The following MICAL2 variants were observed in gnomAD, a reference collection of about 807,000 sequenced individuals.
The protein encoded by MICAL2 is [F-actin]-monooxygenase MICAL2.
Under a neutral mutation model 127.3 loss-of-function variants are expected in MICAL2, and 77 were observed. The observed-to-expected ratio is 0.60, with a 90% CI of 0.50 to 0.73. The LOEUF (loss-of-function observed/expected upper bound fraction) is 0.73, where lower values mean the gene tolerates loss of function less well. MICAL2 is among the 30% of genes least tolerant of loss of function. The pLI is 0.00. For missense variants in MICAL2, 1,351 were observed against 1,434.4 expected (o/e 0.94, Z 0.94); for synonymous variants, 570 against 551.1 (o/e 1.03, Z -0.48).
At position 12,329,017 on chromosome 11, in the gene MICAL2, C is replaced by T. The variant is rs201130904; in HGVS notation, c.5515+1751C>T. ...AGAGTCAGACTTTACCTCTTCTGTGCTTCAGTTTTCTTGTTGGTAAATTGG... is the reference window on the plus strand; with the variant it reads ...AGAGTCAGACTTTACCTCTTCTGTGTTTCAGTTTTCTTGTTGGTAAATTGG... On this transcript the variant is annotated intron_variant, in intron 32 of 34. Coordinates refer to the MICAL2 transcript ENST00000646065. Among the ~76,000 whole-genome samples, 40 of 152,256 alleles carry T rather than the reference C, an allele frequency of 2.6e-4. 1 individual carries two copies. The highest frequency in any genetic ancestry group is 2.1e-3 in the East Asian group (11 of 5,188).
intron 21 of MICAL2, 118 bp downstream of exon 21, chr11:12,244,230 G>A (rs1352617040): frequency 1.5e-5 from 20 of 1,367,856 alleles, no homozygotes; most frequent in Non-Finnish European, 1.7e-5. Context: ...AAATTTGTAA[G>A]ATATTTTACA....
chr11:12,143,930 G>A (rs987882317), intron 2 of MICAL2, among the ~76,000 whole-genome samples: 4 of 152,046 alleles, frequency 2.6e-5, no homozygotes, highest in Non-Finnish European at 5.9e-5. Context: ...GAATAATGGC[G>A]GAGAGAGAGA....
intron 32 of MICAL2, among the ~76,000 whole-genome samples, chr11:12,339,396 C>A (rs1938822250): frequency 6.6e-6 from 1 of 152,026 alleles, no homozygotes; most frequent in South Asian, 2.1e-4. Context: ...TTGGTTCGAA[C>A]TTCCTCCTTT....
intron 3 of MICAL2, among the ~76,000 whole-genome samples, chr11:12,174,339 C>T (rs1430751935): frequency 6.6e-6 from 1 of 151,692 alleles, no homozygotes; most frequent in Non-Finnish European, 1.5e-5. Context: ...CATAATCAGT[C>T]ACTCCCCTCT....
intron 15 of MICAL2, among the ~76,000 whole-genome samples, 163 bp from the exon 16 acceptor site, chr11:12,236,014 G>A (rs567675194): frequency 1.3e-5 from 2 of 152,328 alleles, no homozygotes; most frequent in South Asian, 2.1e-4. Flanking sequence ...GTCACAGTGC[G>A]GAGTCATTTA....
At chr11:12,130,821 A>G (rs543933060) in intron 1 of MICAL2, among the ~76,000 whole-genome samples, 1 of 152,338 alleles carries the variant, frequency 6.6e-6, no homozygotes, top group East Asian at 1.9e-4. Flanking sequence ...GCAGGTCTGC[A>G]GAGCAGCACA....
Position 12,259,829 on chromosome 11 carries a change from G to A in MICAL2, c.3266G>A (p.Arg1089Gln), listed in dbSNP as rs2270515. The A allele has an allele frequency of 3.3e-4, 529 of 1,582,470 alleles. 9 individuals are homozygous for A. In the East Asian group the frequency reaches 0.011, roughly 34 times the overall value. Reference protein sequence around the residue: ...EATWQEQEAPRRDTPTESSCA... With the variant: ...EATWQEQEAPQRDTPTESSCA... ...ACATGGCAAGAGCAGGAAGCCCCTC[G>A]GAGAGACACTCCCACCGAAAGTTCT... is the stretch of plus-strand genomic sequence containing the variant. Residue 1089 changes from arginine (R) to glutamine (Q), a missense_variant, in exon 26 of 28, where the codon CGG (arginine) becomes CAG (glutamine). Transcript: ENST00000683283.
intron 21 of MICAL2, among the ~76,000 whole-genome samples, chr11:12,245,171 A>T (rs757535829): frequency 6.6e-6 from 1 of 152,122 alleles, no homozygotes; most frequent in Non-Finnish European, 1.5e-5. Flanking sequence ...AATGGGCGTG[A>T]AGCCTACCTC....
intron 30 of MICAL2, among the ~76,000 whole-genome samples, chr11:12,323,271 T>C (rs1864320322): frequency 6.6e-6 from 1 of 152,204 alleles, no homozygotes; most frequent in African/African-American, 2.4e-5. Context: ...AATGCTATAA[T>C]TGTATAAACA....
intron 33 of MICAL2, among the ~76,000 whole-genome samples, chr11:12,354,509 A>G (rs763620668): frequency 2.0e-5 from 3 of 151,048 alleles, no homozygotes; most frequent in African/African-American, 2.4e-5. Flanking sequence ...GTGGTGGTGC[A>G]CGCCTGTAAT....
intron 2 of MICAL2, among the ~76,000 whole-genome samples, chr11:12,156,980 G>T (rs1223542296): frequency 1.3e-5 from 2 of 152,212 alleles, no homozygotes; most frequent in African/African-American, 4.8e-5. Context: ...GTTTGAACAG[G>T]GCTGCTTGGC....
intron 34 of MICAL2, chr11:12,358,203 A>G: frequency 1.6e-6 from 2 of 1,273,234 alleles, no homozygotes; most frequent in Admixed American, 4.4e-5. Context: ...TTAAAGGCAG[A>G]ACAAGTCCAT....
downstream of MICAL2, chr11:12,294,640 A>C: frequency 6.2e-7 from 1 of 1,614,214 alleles, no homozygotes; most frequent in Non-Finnish European, 8.5e-7. Flanking sequence ...TCAGACTCAA[A>C]GACAAATCTT....
chr11:12,209,434 G>A (rs190585317), intron 5 of MICAL2, 63 bp from the exon 6 acceptor site: 15 of 1,283,946 alleles, frequency 1.2e-5, no homozygotes, highest in South Asian at 4.7e-5. Context: ...CACCACACGG[G>A]GGGTATAATC....
chr11:12,348,578 G>A lies in MICAL2; in HGVS notation c.5516-1260G>A, dbSNP rs542830934. On this transcript the variant is annotated intron_variant, in intron 32 of 34. Transcript: ENST00000646065. ...GGTGGTCCAGGAGACACAGAGAAAA[G>A]GGAACTAATTTTTATGGATTTCTTG... Among the ~76,000 whole-genome samples, 3 of 152,258 alleles carry A rather than the reference G, an allele frequency of 2.0e-5. 1 individual carries two copies. The highest frequency in any genetic ancestry group is 7.2e-5 in the African/African-American group (3 of 41,560).
intron 25 of MICAL2, among the ~76,000 whole-genome samples, chr11:12,259,536 C>T (rs1862813259): frequency 6.6e-6 from 1 of 152,134 alleles, no homozygotes; most frequent in South Asian, 2.1e-4. Flanking sequence ...AAATTATTTA[C>T]TTGATGTATA....
chr11:12,168,760 G>A (rs773077232), intron 3 of MICAL2, among the ~76,000 whole-genome samples: 2 of 151,700 alleles, frequency 1.3e-5, no homozygotes, highest in Non-Finnish European at 2.9e-5. Flanking sequence ...CGGGCAAGTG[G>A]GACCAACACA....
At chr11:12,207,362 C>T (rs1465813357) in intron 4 of MICAL2, among the ~76,000 whole-genome samples, 2 of 152,174 alleles carry the variant, frequency 1.3e-5, no homozygotes, top group Non-Finnish European at 2.9e-5. Context: ...TACAGAAGGG[C>T]CCACAGAAAG....
intron 2 of MICAL2, among the ~76,000 whole-genome samples, chr11:12,285,596 A>C (rs1221076474): frequency 6.6e-6 from 1 of 152,220 alleles, no homozygotes; most frequent in African/African-American, 2.4e-5. Context: ...TCACTGTCAT[A>C]ATTTTCTCAG....
Sources: gnomAD v4.1 joint callset for allele counts (sites outside exome capture counted in the v4.1 genomes callset) on GRCh38, gnomAD v4.1.1 for gene constraint, MANE v1.5 for transcripts, NCBI Gene and HGNC (gene_info 2026-07-23, HGNC 2026-07-21) for gene names.